The following DAB1 variants were observed in gnomAD, a reference collection of about 807,000 sequenced individuals.
DAB1 encodes the protein disabled homolog 1.
A neutral mutation model predicts 64.6 loss-of-function variants in DAB1; 15 were observed. That is an observed-to-expected ratio of 0.23 (90% CI 0.16 to 0.36). DAB1 has a LOEUF of 0.36. Ranked by LOEUF, DAB1 falls within the 10% of genes least tolerant of loss-of-function variation. The pLI, the probability that DAB1 is intolerant of heterozygous loss-of-function variation, is 1.00. For synonymous variants in DAB1, 235 were observed against 251.9 expected (o/e 0.93, Z 0.64); for missense variants, 596 against 706.7 (o/e 0.84, Z 1.78).
chr1:58,029,985 C>T (rs1298784196), intron 5 of DAB1, among the ~76,000 whole-genome samples: 2 of 152,088 alleles, frequency 1.3e-5, no homozygotes, highest in African/African-American at 2.4e-5. Flanking sequence ...ACGGGCAGAT[C>T]ACTTGAGTCC....
In DAB1 at chr1:57,735,669, G is replaced by C. The variant is rs538022827; in HGVS notation, n.552-86004C>G. On this transcript the variant is annotated intron_variant and non_coding_transcript_variant, in intron 6 of 20. Transcript: ENST00000485760. ...TTTCTGATTTTAAAGTCACTCTAGA[G>C]AATAAAACAATTTCCTGGTATAGTT... Among the ~76,000 whole-genome samples, 66 of 135,916 alleles carry C rather than the reference G, an allele frequency of 4.9e-4. 1 individual carries two copies. The highest frequency in any genetic ancestry group is 6.6e-4 in the Non-Finnish European group (43 of 64,980). The allele number at this position is 135,916 out of a possible 152,430, so 89.2% of individuals were successfully genotyped here. A position where few individuals can be genotyped will look rare whatever the true frequency, so the allele number is the denominator to read the frequency against.
At position 57,732,769 on chromosome 1, in the gene DAB1, C is replaced by T. The variant is rs527960018; in HGVS notation, n.552-83104G>A. Among the ~76,000 whole-genome samples the T allele has an allele frequency of 3.7e-4, 56 of 152,144 alleles. 1 individual carries two copies. The highest frequency in any genetic ancestry group is 2.5e-4 in the Non-Finnish European group (17 of 68,000). On this transcript the variant is annotated intron_variant and non_coding_transcript_variant, in intron 6 of 20. Transcript: ENST00000485760. Reference sequence around the variant, plus strand: ...CAGGCAGGGAGGCTCCCTCATGGTGCGTCGAACAGGAGAGAGGAGAGACTG... The same window carrying T: ...CAGGCAGGGAGGCTCCCTCATGGTGTGTCGAACAGGAGAGAGGAGAGACTG...
At chr1:57,865,269 A>T (rs900164498) in intron 1 of DAB1, among the ~76,000 whole-genome samples, 1 of 152,180 alleles carries the variant, frequency 6.6e-6, no homozygotes, top group Non-Finnish European at 1.5e-5. Context: ...CTTGGGAAAC[A>T]AGAGAGGAGC....
intron 12 of DAB1, among the ~76,000 whole-genome samples, chr1:57,012,016 A>G (rs72670388): frequency 6.6e-6 from 1 of 152,304 alleles, no homozygotes; most frequent in Non-Finnish European, 1.5e-5. Context: ...TTCTGGGCTG[A>G]CCCACCCACA....
intron 7 of DAB1, among the ~76,000 whole-genome samples, chr1:57,572,011 C>A (rs533204061): frequency 3.3e-5 from 5 of 152,288 alleles, no homozygotes; most frequent in African/African-American, 1.2e-4. Flanking sequence ...AATGTTCAAG[C>A]ATGGACAGTC....
intron 6 of DAB1, among the ~76,000 whole-genome samples, chr1:57,812,863 G>T (rs1170466532): frequency 6.6e-6 from 1 of 152,188 alleles, no homozygotes; most frequent in Non-Finnish European, 1.5e-5. Context: ...AAGAAACAGA[G>T]GCTCAGAGAG....
At chr1:58,332,258 T>G (rs1662986731) in intron 4 of DAB1, among the ~76,000 whole-genome samples, 1 of 152,172 alleles carries the variant, frequency 6.6e-6, no homozygotes, top group Admixed American at 6.5e-5. Flanking sequence ...ATTTATGACC[T>G]CACCTGTTTG....
At chr1:57,081,794 A>C (rs1344369406) in intron 4 of DAB1, among the ~76,000 whole-genome samples, 4 of 152,210 alleles carry the variant, frequency 2.6e-5, no homozygotes, top group African/African-American at 9.7e-5. Flanking sequence ...TATTGTAAGT[A>C]CTAATTAATA....
intron 5 of DAB1, among the ~76,000 whole-genome samples, chr1:58,052,169 T>C (rs1647717704): frequency 1.3e-5 from 2 of 152,252 alleles, no homozygotes; most frequent in Non-Finnish European, 2.9e-5. Context: ...AAGGTTTTTA[T>C]GGTTTTAGGT....
At position 57,185,134 on chromosome 1, in the gene DAB1, C is replaced by T. The variant is rs532110668; in HGVS notation, c.68-39705G>A. On this transcript the variant is annotated intron_variant, in intron 2 of 14. Coordinates refer to ENST00000371236, the MANE Select transcript of DAB1 (RefSeq NM_001365792.1). ...CCCTGCTCCAAACATGCTTCCCCCT[C>T]TCTGTGCCAGGCGAACTCCCTGAGA... Among the ~76,000 whole-genome samples the T allele has an allele frequency of 1.2e-4, 19 of 152,252 alleles. 1 individual carries two copies. Among genetic ancestry groups the T allele is most frequent in the South Asian group, 4.2e-4 (2 of 4,818 alleles).
intron 4 of DAB1, among the ~76,000 whole-genome samples, chr1:58,185,584 A>G (rs747705920): frequency 1.3e-5 from 2 of 152,128 alleles, no homozygotes; most frequent in East Asian, 1.9e-4. Context: ...GTTTTTAAAG[A>G]CTTTGAATCT....
intron 7 of DAB1, among the ~76,000 whole-genome samples, chr1:57,582,703 G>A (rs539041431): frequency 2.4e-4 from 37 of 152,296 alleles, no homozygotes; most frequent in African/African-American, 8.2e-4. Context: ...CCTGTTTCCC[G>A]CTCCACAGGG....
At chr1:57,154,110 C>T (rs767310948) in intron 2 of DAB1, among the ~76,000 whole-genome samples, 12 of 152,178 alleles carry the variant, frequency 7.9e-5, no homozygotes, top group Non-Finnish European at 1.5e-4. Context: ...TTATTATTGG[C>T]TATAGTCACC....
At position 57,986,595 on chromosome 1, in the gene DAB1, G is replaced by A. The variant is rs376197504; in HGVS notation, n.388-102433C>T. Among the ~76,000 whole-genome samples, 63 of 152,214 alleles carry A rather than the reference G, an allele frequency of 4.1e-4. No homozygotes were observed. The South Asian group carries it at 0.013, about 31-fold the overall frequency. ...TGCAGTCTCCCTTACAGAGGACCACGTGTTCTCCGCTGCTTTACCTTCTCA... is the reference window on the plus strand; with the variant it reads ...TGCAGTCTCCCTTACAGAGGACCACATGTTCTCCGCTGCTTTACCTTCTCA... On this transcript the variant is annotated intron_variant and non_coding_transcript_variant, in intron 5 of 20. Transcript: ENST00000485760.
chr1:57,882,693 C>T (rs1202236672), intron 1 of DAB1, among the ~76,000 whole-genome samples: 1 of 152,106 alleles, frequency 6.6e-6, no homozygotes, highest in Non-Finnish European at 1.5e-5. Flanking sequence ...CCTCCCTTCA[C>T]CCCATGAAAC....
At chr1:58,148,196 C>T (rs1239318248) in intron 5 of DAB1, among the ~76,000 whole-genome samples, 1 of 152,162 alleles carries the variant, frequency 6.6e-6, no homozygotes, top group East Asian at 1.9e-4. Flanking sequence ...CATCACTAGC[C>T]ACACATGCCT....
upstream of DAB1, among the ~76,000 whole-genome samples, chr1:57,427,606 T>C (rs2101108607): frequency 6.6e-6 from 1 of 152,338 alleles, no homozygotes; most frequent in Non-Finnish European, 1.5e-5. Flanking sequence ...TTATATTTTA[T>C]TTAATTCTGT....
chr1:57,799,382 A>G, intron 6 of DAB1, among the ~76,000 whole-genome samples: 1 of 152,160 alleles, frequency 6.6e-6, no homozygotes, highest in East Asian at 1.9e-4. Context: ...GATGAAGTCC[A>G]TAAACTTTTG....
At chr1:58,262,984 A>C (rs1168443131) in intron 4 of DAB1, among the ~76,000 whole-genome samples, 2 of 152,238 alleles carry the variant, frequency 1.3e-5, no homozygotes, top group Non-Finnish European at 2.9e-5. Flanking sequence ...AATATGTAAC[A>C]TGAGCGAGAA....
Sources: gnomAD v4.1 joint callset for allele counts (sites outside exome capture counted in the v4.1 genomes callset) on GRCh38, gnomAD v4.1.1 for gene constraint, MANE v1.5 for transcripts, NCBI Gene and HGNC (gene_info 2026-07-23, HGNC 2026-07-21) for gene names.